FAM78B: variants seen among roughly 807,000 people sequenced by gnomAD.
The protein encoded by FAM78B is family with sequence similarity 78 member B.
FAM78B carries 10 observed loss-of-function variants against 20.0 expected under a neutral mutation model. That is an observed-to-expected ratio of 0.50 (90% CI 0.31 to 0.85). The LOEUF (loss-of-function observed/expected upper bound fraction) is 0.85, where lower values mean the gene tolerates loss of function less well. FAM78B is among the 40% of genes least tolerant of loss of function. The pLI, the probability that FAM78B is intolerant of heterozygous loss-of-function variation, is 0.05. For missense variants in FAM78B, 283 were observed against 345.0 expected, an observed-to-expected ratio of 0.82 and a Z score of 1.42; for synonymous variants, 135 against 132.8, an observed-to-expected ratio of 1.02 and a Z score of -0.12.
intron 1 of FAM78B, among the ~76,000 whole-genome samples, chr1:166,117,229 C>T (rs1654295454): frequency 1.3e-5 from 2 of 152,090 alleles, no homozygotes; most frequent in Non-Finnish European, 1.5e-5. Context: ...TTCAAGAATC[C>T]TACTCAACAA....
chr1:166,076,893 T>A (rs1005276207), intron 1 of FAM78B, among the ~76,000 whole-genome samples: 1 of 152,078 alleles, frequency 6.6e-6, no homozygotes, highest in East Asian at 1.9e-4. Context: ...GGATGTAAAT[T>A]TGGCAACCAT....
intron 1 of FAM78B, among the ~76,000 whole-genome samples, chr1:166,074,429 G>A (rs1179974531): frequency 1.3e-5 from 2 of 152,046 alleles, no homozygotes; most frequent in African/African-American, 4.8e-5. Flanking sequence ...ATATTATAAC[G>A]ATCTGTATGT....
At chr1:166,160,184 T>C (rs1028919283) in intron 1 of FAM78B, among the ~76,000 whole-genome samples, 1 of 152,212 alleles carries the variant, frequency 6.6e-6, no homozygotes, top group African/African-American at 2.4e-5. Flanking sequence ...TGACCATCTC[T>C]ATGGTCACCA....
At chr1:166,064,559 T>C (rs569807865), downstream of FAM78B, among the ~76,000 whole-genome samples, 1 of 152,156 alleles carries the variant, frequency 6.6e-6, no homozygotes, top group Non-Finnish European at 1.5e-5. Context: ...GCAAAAATCT[T>C]TCTTTCCTTG....
At chr1:166,075,231 G>A (rs1396744445) in intron 1 of FAM78B, among the ~76,000 whole-genome samples, 1 of 152,166 alleles carries the variant, frequency 6.6e-6, no homozygotes, top group African/African-American at 2.4e-5. Context: ...ATGTTTAGGA[G>A]CTTCTGCAAC....
At chr1:166,110,096 C>T (rs185680545) in intron 1 of FAM78B, among the ~76,000 whole-genome samples, 431 of 150,166 alleles carry the variant, frequency 2.9e-3, no homozygotes, top group Non-Finnish European at 4.8e-3. Context: ...AAGAATGATG[C>T]AATGGACTTT....
chr1:166,104,580 A>G (rs1192197255), intron 1 of FAM78B, among the ~76,000 whole-genome samples: 5 of 152,188 alleles, frequency 3.3e-5, no homozygotes, highest in African/African-American at 1.2e-4. Context: ...AGAGAGCCAA[A>G]TCATGAGTGA....
At chr1:166,100,000 T>C (rs1168000931) in intron 1 of FAM78B, among the ~76,000 whole-genome samples, 1 of 152,188 alleles carries the variant, frequency 6.6e-6, no homozygotes, top group Non-Finnish European at 1.5e-5. Context: ...AGACAGACCA[T>C]ATGATAGGCC....
chr1:166,105,144 C>T (rs1283996970), intron 1 of FAM78B, among the ~76,000 whole-genome samples: 1 of 152,140 alleles, frequency 6.6e-6, no homozygotes, highest in Non-Finnish European at 1.5e-5. Flanking sequence ...GGAAAACTGG[C>T]TAGCCATATG....
intron 1 of FAM78B, among the ~76,000 whole-genome samples, chr1:166,126,403 A>C (rs1410579810): frequency 1.3e-5 from 2 of 152,222 alleles, no homozygotes; most frequent in African/African-American, 4.8e-5. Context: ...TACAAGGTAA[A>C]CCATGTAGTA....
intron 1 of FAM78B, among the ~76,000 whole-genome samples, chr1:166,114,217 C>G (rs1425980632): frequency 6.6e-6 from 1 of 152,194 alleles, no homozygotes; most frequent in South Asian, 2.1e-4. Context: ...CATGATCCAA[C>G]TAAATTCTTG....
At chr1:166,165,817 T>C (rs966733917) in intron 1 of FAM78B, among the ~76,000 whole-genome samples, 169 bp downstream of exon 1, 1 of 152,000 alleles carries the variant, frequency 6.6e-6, no homozygotes, top group Admixed American at 6.5e-5. Flanking sequence ...ACACCCGCCC[T>C]GTCACTGAAA....
chr1:166,152,565 C>T (rs966573846), intron 1 of FAM78B, among the ~76,000 whole-genome samples: 3 of 152,142 alleles, frequency 2.0e-5, no homozygotes, highest in Admixed American at 1.3e-4. Flanking sequence ...GAACTGGCCC[C>T]GGACACTTGT....
intron 1 of FAM78B, among the ~76,000 whole-genome samples, chr1:166,139,894 G>A (rs1655216196): frequency 6.6e-6 from 1 of 152,218 alleles, no homozygotes; most frequent in Non-Finnish European, 1.5e-5. Flanking sequence ...TGAGGTTGGA[G>A]GGAAGAGGCT....
chr1:166,125,583 A>G (rs984475171), intron 1 of FAM78B, among the ~76,000 whole-genome samples: 2 of 152,112 alleles, frequency 1.3e-5, no homozygotes, highest in Non-Finnish European at 2.9e-5. Flanking sequence ...AACAAATACA[A>G]TTGTTCCTCT....
chr1:166,075,581 T>G (rs1205850852), intron 1 of FAM78B, among the ~76,000 whole-genome samples: 1 of 152,232 alleles, frequency 6.6e-6, no homozygotes, highest in Admixed American at 6.5e-5. Flanking sequence ...GGGGTTGTGT[T>G]TGTCTTTGCA....
chr1:166,105,614 A>G (rs1653740856), intron 1 of FAM78B, among the ~76,000 whole-genome samples: 1 of 152,266 alleles, frequency 6.6e-6, no homozygotes, highest in East Asian at 1.9e-4. Context: ...AATGCTCATC[A>G]TCACTGGCCA....
intron 1 of FAM78B, among the ~76,000 whole-genome samples, chr1:166,154,273 C>A (rs550925676): frequency 2.6e-5 from 4 of 152,182 alleles, no homozygotes; most frequent in African/African-American, 7.2e-5. Context: ...AGCACCAGGG[C>A]TAGGGTAAGG....
At chr1:166,159,197 T>C (rs1489169870) in intron 1 of FAM78B, among the ~76,000 whole-genome samples, 1 of 152,196 alleles carries the variant, frequency 6.6e-6, no homozygotes, top group African/African-American at 2.4e-5. Context: ...TGTGCTGATA[T>C]GAATGGAGGG....
Sources: allele counts gnomAD v4.1 joint callset (sites outside exome capture counted in the v4.1 genomes callset), GRCh38; gene constraint gnomAD v4.1.1; transcripts MANE v1.5; gene names NCBI Gene and HGNC (gene_info 2026-07-23, HGNC 2026-07-21).